ZSWIM8: variants seen among roughly 807,000 people sequenced by gnomAD.
ZSWIM8 encodes the protein zinc finger SWIM domain-containing protein 8.
A neutral mutation model predicts 173.7 loss-of-function variants in ZSWIM8; 27 were observed. The ratio of observed to expected loss-of-function variants is 0.16; its 90% confidence interval spans 0.11 to 0.21. The LOEUF is 0.21. Ranked by LOEUF, ZSWIM8 falls within the 10% of genes least tolerant of loss-of-function variation. ZSWIM8 has a pLI of 1.00. For synonymous variants in ZSWIM8, 958 were observed against 962.0 expected (o/e 1.00, Z 0.08); for missense variants, 1,627 against 2,428.8 (o/e 0.67, Z 6.94).
At position 73,794,541 on chromosome 10, in the gene ZSWIM8, T is replaced by C. The variant is rs1447581082; in HGVS notation, c.2810T>C (p.Val937Ala). Residue 937 changes from valine (V) to alanine (A), a missense_variant and splice_region_variant, in exon 14 of 26, where the codon GTG becomes GCG. Around this residue, in one of 18 missense-constraint regions of ZSWIM8, gnomAD observed 169 missense variants for 235.3 expected, o/e 0.72. Transcript: ENST00000604729. Reference protein sequence around the residue: ...SFIFDVLCAPVVSPTGSRPPS... With the variant: ...SFIFDVLCAPAVSPTGSRPPS... ...CTGACTTACCCCAACTTTTATACAG[T>C]GGTTTCTCCCACAGGTTCCCGGCCC... 18 of 1,562,718 alleles carry C rather than the reference T, an allele frequency of 1.2e-5. No homozygotes were observed. Among genetic ancestry groups the C allele is most frequent in the Non-Finnish European group, 1.5e-5 (17 of 1,152,590 alleles).
Position 73,797,436 on chromosome 10 carries a change from A to C in ZSWIM8, c.3493A>C (p.Ser1165Arg). 6.2e-7 allele frequency: 1 copy of C among 1,613,886 alleles called. No individual in the cohort carries two copies. Among genetic ancestry groups the C allele is most frequent in the Non-Finnish European group, 8.5e-7 (1 of 1,179,824 alleles). ...AACATCGGATAGTTCCCCCACCTTA[A>C]GCCGGAGACCACTTCGAGGGGGCTG... ...ETTSDSSPTL[S>R]RRPLRGGWAP... Residue 1165 changes from serine (S) to arginine (R), a missense_variant, in exon 18 of 26, where the codon AGC (serine) becomes CGC (arginine). Transcript: ENST00000604729. This position sits in a 1 kb window ranked among gnomAD's most constrained non-coding sequence, Gnocchi z 5.6.
Position 73,789,500 on chromosome 10 carries a change from C to T in ZSWIM8, c.591C>T (p.Cys197=). ...SCTCGAGAKW[C]THVVALCLFR... ...CCTGTGGGGCTGGGGCCAAATGGTG[C>T]ACCCACGTCGTGGCACTCTGTCTCT... Residue 197 remains cysteine, a synonymous_variant, in exon 4 of 26, where the codon TGC becomes TGT. Coordinates refer to ENST00000604729, the MANE Select transcript of ZSWIM8 (RefSeq NM_001367799.1). This position sits in a 1 kb window ranked among gnomAD's most constrained non-coding sequence, Gnocchi z 6.8. 1 of 1,613,244 alleles carries T rather than the reference C, an allele frequency of 6.2e-7. No individual in the cohort carries two copies. The highest frequency in any genetic ancestry group is 1.1e-5 in the South Asian group (1 of 90,854).
In ZSWIM8 at chr10:73,792,602, C is replaced by A; in HGVS notation, c.2063C>A (p.Pro688His). ...GAGCCTCCCACAGCCTCTGTTGGCC[C>A]CCCTGGCCTACTGCCTGGGGATGTC... ...GPEPPTASVG[P>H]PGLLPGDVCT... The change falls in exon 10 of 26, where the codon CCC becomes CAC. Residue 688 changes from proline to histidine, a missense_variant. Around this residue, in one of 18 missense-constraint regions of ZSWIM8, gnomAD observed 383 missense variants for 394.8 expected, o/e 0.97. Transcript: ENST00000604729. This position sits in a 1 kb window ranked among gnomAD's most constrained non-coding sequence, Gnocchi z 4.3. The A allele has an allele frequency of 6.2e-7, 1 of 1,614,022 alleles. No homozygotes were observed. Among genetic ancestry groups the A allele is most frequent in the Non-Finnish European group, 8.5e-7 (1 of 1,179,888 alleles).
chr10:73,799,705 T>G (rs1589595824), intron 21 of ZSWIM8: 1 of 699,038 alleles, frequency 1.4e-6, no homozygotes, highest in Non-Finnish European at 2.4e-6. Context: ...CCGATGTGGG[T>G]GGATCACTTG....
At position 73,785,614 on chromosome 10, in the gene ZSWIM8, A is replaced by C; in HGVS notation, c.-265A>C. ...GGGGGAGGCGGCTCCGCAGCCGCCTAGAGGCCCCAGCCGCCGAGCGCTTCG... is the reference window on the plus strand; with the variant it reads ...GGGGGAGGCGGCTCCGCAGCCGCCTCGAGGCCCCAGCCGCCGAGCGCTTCG... On this transcript the variant is annotated 5_prime_UTR_variant, in exon 1 of 26. Coordinates refer to ENST00000604729, the MANE Select transcript of ZSWIM8 (RefSeq NM_001367799.1). The C allele has an allele frequency of 1.8e-6, 1 of 548,504 alleles. No homozygotes were observed. The allele number at this position is 548,504 out of a possible 1,614,324, so 34.0% of individuals were successfully genotyped here.
Position 73,794,336 on chromosome 10 carries a change from A to G in ZSWIM8, c.2809+6A>G. On this transcript the variant is annotated splice_donor_region_variant and intron_variant, in intron 13 of 25. Coordinates refer to ENST00000604729, the MANE Select transcript of ZSWIM8 (RefSeq NM_001367799.1). ...TGACGTTCTCTGTGCTCCAGGTATG[A>G]TGCCTGACCCTACAGTAAGTGGGGA... is the stretch of plus-strand genomic sequence containing the variant. The G allele has an allele frequency of 4.3e-6, 7 of 1,613,122 alleles. No homozygotes were observed. The highest frequency in any genetic ancestry group is 5.9e-6 in the Non-Finnish European group (7 of 1,179,398).
chr10:73,789,093 C>G lies in ZSWIM8; in HGVS notation c.363-3C>G. The G allele has an allele frequency of 1.2e-6, 2 of 1,613,858 alleles. No homozygotes were observed. Among genetic ancestry groups the G allele is most frequent in the South Asian group, 1.1e-5 (1 of 91,080 alleles). ...GTGGCTGTGTCCTCTTCTTCACCCC[C>G]AGGCTGTATTCGTGCCTGGCCAATG... is the stretch of plus-strand genomic sequence containing the variant. On this transcript the variant is annotated splice_polypyrimidine_tract_variant and splice_region_variant and intron_variant, in intron 2 of 25. Transcript: ENST00000604729. This position sits in a 1 kb window ranked among gnomAD's most constrained non-coding sequence, Gnocchi z 6.8.
In ZSWIM8 at chr10:73,799,863, A is replaced by C. The variant is rs181706207; in HGVS notation, c.4666-148A>C. The C allele has an allele frequency of 2.2e-3, 1,710 of 772,344 alleles. 7 individuals carry two copies. The highest frequency in any genetic ancestry group is 5.4e-3 in the Admixed American group (196 of 36,524). The allele number at this position is 772,344 out of a possible 1,614,324, so 47.8% of individuals were successfully genotyped here. Reference sequence around the variant, plus strand: ...GGGAGGCAGAGGTTGCAGTGAGCCGATATCGTGCCACTGCACTCCAGCCTG... The same window carrying C: ...GGGAGGCAGAGGTTGCAGTGAGCCGCTATCGTGCCACTGCACTCCAGCCTG... On this transcript the variant is annotated intron_variant, in intron 21 of 25. Transcript: ENST00000604729.
intron 1 of ZSWIM8, chr10:73,786,341 T>TGTGTGCGCGCGCGCGC (rs1411517526): frequency 4.9e-6 from 2 of 410,220 alleles, no homozygotes; most frequent in African/African-American, 4.1e-5. Context: ...TGTGTGTGTG[T>TGTGTGCGCGCGCGCGC]GTGTGCGCGC....
chr10:73,790,113 C>T, intron 6 of ZSWIM8, 59 bp from the exon 7 acceptor site: 2 of 1,610,920 alleles, frequency 1.2e-6, no homozygotes, highest in South Asian at 1.1e-5. Context: ...TCAAGGCTTG[C>T]TGTTGTCAGG....
rs1033684057 is a variant in ZSWIM8, at chr10:73,794,543, G to A, written c.2812G>A (p.Val938Ile). 1.3e-6 allele frequency: 2 copies of A among 1,562,428 alleles called. No homozygotes were observed. The highest frequency in any genetic ancestry group is 1.7e-6 in the Non-Finnish European group (2 of 1,152,512). Residue 938 changes from valine to isoleucine, a missense_variant and splice_region_variant, in exon 14 of 26, where the codon GTT (valine) becomes ATT (isoleucine). Physicochemically the swap from Val to Ile is conservative, Grantham distance 29 (BLOSUM62 3). This residue lies in a region of ZSWIM8 where 169 missense variants were observed against 235.3 expected (regional missense o/e 0.72). Transcript: ENST00000604729. Reference sequence around the variant, plus strand: ...GACTTACCCCAACTTTTATACAGTGGTTTCTCCCACAGGTTCCCGGCCCCC... The same window carrying A: ...GACTTACCCCAACTTTTATACAGTGATTTCTCCCACAGGTTCCCGGCCCCC... ...FIFDVLCAPV[V>I]SPTGSRPPSR...
rs2083835100 is a variant in ZSWIM8 at position 73,799,698 on chromosome 10, A to T, written c.4665+208A>T. 5.6e-6 allele frequency: 4 copies of T among 713,286 alleles called. No homozygotes were observed. In the Admixed American group the frequency reaches 1.0e-4, roughly 19 times the overall value. 44.2% of individuals were successfully genotyped at this position (713,286 alleles called of 1,614,324 possible). On this transcript the variant is annotated intron_variant, in intron 21 of 25. Transcript: ENST00000604729. Reference sequence around the variant, plus strand: ...GTAATCCCAGCACTTTGAGAGGCCGATGTGGGTGGATCACTTGAGGTCAGG... The same window carrying T: ...GTAATCCCAGCACTTTGAGAGGCCGTTGTGGGTGGATCACTTGAGGTCAGG...
intron 14 of ZSWIM8, chr10:73,795,068 C>A: frequency 5.8e-6 from 1 of 173,672 alleles, no homozygotes; most frequent in East Asian, 1.8e-4. Context: ...TGCACCACTG[C>A]CCTCTAGCCT....
In ZSWIM8 at chr10:73,794,636, T is replaced by A; in HGVS notation, c.2905T>A (p.Leu969Met). Reference protein sequence around the residue: ...ELGFEAAVAALGMKTTVSEAE... With the variant: ...ELGFEAAVAAMGMKTTVSEAE... ...TGGATTTGAAGCAGCAGTTGCTGCC[T>A]TGGGTGAGTCTTGAGCATATCAACG... Residue 969 changes from leucine (L) to methionine (M), a missense_variant, in exon 14 of 26, where the codon TTG becomes ATG. Physicochemically the swap from Leu to Met is conservative, Grantham distance 15. Around this residue, in one of 18 missense-constraint regions of ZSWIM8, gnomAD observed 169 missense variants for 235.3 expected, o/e 0.72. Transcript: ENST00000604729. 1 of 1,551,972 alleles carries A rather than the reference T, an allele frequency of 6.4e-7. No individual in the cohort carries two copies. The highest frequency in any genetic ancestry group is 8.7e-7 in the Non-Finnish European group (1 of 1,147,492).
chr10:73,795,509 T>C, intron 14 of ZSWIM8, 30 bp from the exon 15 acceptor site: 2 of 1,612,706 alleles, frequency 1.2e-6, no homozygotes, highest in Non-Finnish European at 1.7e-6. Flanking sequence ...ATGACTACTC[T>C]CAATCCCCAT....
Position 73,800,785 on chromosome 10 carries a change from T to C in ZSWIM8, c.5122+26T>C, listed in dbSNP as rs2083910222. 1 of 1,526,234 alleles carries C rather than the reference T, an allele frequency of 6.6e-7. No homozygotes were observed. Among genetic ancestry groups the C allele is most frequent in the East Asian group, 2.3e-5 (1 of 44,360 alleles). 94.5% of individuals were successfully genotyped at this position (1,526,234 alleles called of 1,614,324 possible). The stretch of plus-strand genomic sequence containing the variant: ...GTAACACCTCCCCTCCCTAGGACCA[T>C]TGCCCCCCCCCCACCTGCTCTCCCC... On this transcript the variant is annotated intron_variant, in intron 24 of 25. Coordinates refer to ENST00000604729, the MANE Select transcript of ZSWIM8 (RefSeq NM_001367799.1). This position sits in a 1 kb window ranked among gnomAD's most constrained non-coding sequence, Gnocchi z 4.1.
At position 73,797,733 on chromosome 10, in the gene ZSWIM8, C is replaced by G; in HGVS notation, c.3663-48C>G. On this transcript the variant is annotated intron_variant, in intron 18 of 25. Coordinates refer to ENST00000604729, the MANE Select transcript of ZSWIM8 (RefSeq NM_001367799.1). This position sits in a 1 kb window ranked among gnomAD's most constrained non-coding sequence, Gnocchi z 5.6. Reference sequence around the variant, plus strand: ...GTCCTTCCCAACCTACCCGGATGCCCATTTCAAAGAAACCCCAACCCCCGT... The same window carrying G: ...GTCCTTCCCAACCTACCCGGATGCCGATTTCAAAGAAACCCCAACCCCCGT... The G allele has an allele frequency of 3.2e-6, 5 of 1,582,526 alleles. No homozygotes were observed. The highest frequency in any genetic ancestry group is 4.3e-6 in the Non-Finnish European group (5 of 1,162,150).
rs760381323 is a variant in ZSWIM8, at chr10:73,795,663, G to A, written c.3033G>A (p.Lys1011=). ...AGGACGACCAGGCCAAGCTTAAGAA[G>A]GTAAGAGACTGGGGCTGGGTGCGGT... ...TYKDDQAKLK[K]ILDKLLDRES... is the part of the protein sequence containing the mutation. Residue 1011 remains lysine (K), a splice_region_variant and synonymous_variant, in exon 15 of 26, where the codon AAG becomes AAA. Coordinates refer to ENST00000604729, the MANE Select transcript of ZSWIM8 (RefSeq NM_001367799.1). The A allele has an allele frequency of 1.9e-6, 3 of 1,611,962 alleles. No homozygotes were observed. The Admixed American group carries it at 5.0e-5, about 27-fold the overall frequency.
rs539927684 is a variant in ZSWIM8 at position 73,797,095 on chromosome 10, C to T, written c.3275-18C>T. ...CCCTTTCCTGGGCTCATCCCAGCGTCCTGTTTTCCTCACCTAGAGAGTTCC... is the reference window on the plus strand; with the variant it reads ...CCCTTTCCTGGGCTCATCCCAGCGTTCTGTTTTCCTCACCTAGAGAGTTCC... On this transcript the variant is annotated intron_variant, in intron 16 of 25. Transcript: ENST00000604729. This position sits in a 1 kb window ranked among gnomAD's most constrained non-coding sequence, Gnocchi z 5.6. The T allele has an allele frequency of 3.1e-6, 5 of 1,613,444 alleles. No homozygotes were observed. Among genetic ancestry groups the T allele is most frequent in the Non-Finnish European group, 4.2e-6 (5 of 1,179,606 alleles).
Sources: gnomAD v4.1 joint callset for allele counts on GRCh38, gnomAD v4.1.1 for gene constraint, gnomAD v4.1.1 regional missense constraint, Gnocchi (gnomAD v3.1) non-coding constraint, MANE v1.5 for transcripts, NCBI Gene and HGNC (gene_info 2026-07-23, HGNC 2026-07-21) for gene names.